Variants in ZSCAN10 observed in about 807,000 individuals in gnomAD.
ZSCAN10 encodes the protein zinc finger and SCAN domain containing 10, also known as zinc finger and SCAN domain-containing protein 10.
In ZSCAN10, 52 loss-of-function variants were observed where a neutral mutation model predicts 63.7. The observed-to-expected ratio is 0.82, with a 90% confidence interval of 0.65 to 1.03. The LOEUF is 1.03. Ranked by LOEUF, ZSCAN10 falls within the 50% of genes least tolerant of loss-of-function variation. The probability of loss-of-function intolerance (pLI) is 0.00; values close to 1 mark genes in which losing one functional copy is unlikely to be tolerated. For missense variants in ZSCAN10, 1,223 were observed against 1,103.8 expected, an observed-to-expected ratio of 1.11 and a Z score of -1.53; for synonymous variants, 544 against 479.6, an observed-to-expected ratio of 1.13 and a Z score of -1.76.
chr16:3,095,738 G>A (rs1177928961), intron 1 of ZSCAN10, among the ~76,000 whole-genome samples: 1 of 149,960 alleles, frequency 6.7e-6, no homozygotes, highest in Admixed American at 6.7e-5. Context: ...TGAGGCAGGA[G>A]AATGGCGTGA....
At chr16:3,093,056 A>T in intron 1 of ZSCAN10, 52 bp from the exon 2 acceptor site, 1 of 1,281,492 alleles carries the variant, frequency 7.8e-7, no homozygotes, top group Middle Eastern at 2.9e-4. Flanking sequence ...AGCTGGCCCC[A>T]TACCTGGGTC....
chr16:3,091,118 GA>G (rs1475779362), intron 5 of ZSCAN10, among the ~76,000 whole-genome samples: 1 of 151,870 alleles, frequency 6.6e-6, no homozygotes, highest in Non-Finnish European at 1.5e-5. Context: ...AGAGAGGGTG[GA>G]GGTCAAACAA....
In ZSCAN10 at chr16:3,089,065, G is replaced by A. The variant is rs376167359; in HGVS notation, c.*26C>T. ...GAGGACCCCGGGTAGGTGGCGCAGG[G>A]CGCGGCTGGCGGAAGGCGGGCCAAG... On this transcript the variant is annotated 3_prime_UTR_variant, in exon 6 of 6. Coordinates refer to ENST00000576985, the MANE Select transcript of ZSCAN10 (RefSeq NM_032805.3). 3.7e-5 allele frequency: 55 copies of A among 1,467,740 alleles called. No individual in the cohort carries two copies. The highest frequency in any genetic ancestry group is 4.5e-6 in the Non-Finnish European group (5 of 1,121,096). The allele number at this position is 1,467,740 out of a possible 1,614,324, so 90.9% of individuals were successfully genotyped here. A position where few individuals can be genotyped will look rare whatever the true frequency, so the allele number is the denominator to read the frequency against.
Position 3,090,564 on chromosome 16 carries a change from T to G in ZSCAN10, c.870A>C (p.Ala290=), listed in dbSNP as rs375510806. The stretch of plus-strand genomic sequence containing the variant: ...CCCCAGGACTATCTGCCTGGGACTC[T>G]GCTAAGATGGGAGTGGGCCAGGCAG... ...KGAAWPTPIL[A]ESQADSPGVP... Residue 290 remains alanine (A), a synonymous_variant, in exon 6 of 6, where the codon GCA becomes GCC. Coordinates refer to ENST00000576985, the MANE Select transcript of ZSCAN10 (RefSeq NM_032805.3). The G allele has an allele frequency of 6.3e-7, 1 of 1,597,286 alleles. No individual in the cohort carries two copies. Among genetic ancestry groups the G allele is most frequent in the Non-Finnish European group, 8.6e-7 (1 of 1,167,874 alleles).
rs1218760627 is a variant in ZSCAN10, at chr16:3,089,275, G to A, written c.2159C>T (p.Ala720Val). ...CTCCACGCACTCCTGCGGGGGCTCG[G>A]CCTGCTCCTGCCCGGGCTCCGCATG... ...ATHAEPGQEQ[A>V]EPPQECVECG... is the part of the protein sequence containing the mutation. The change falls in exon 6 of 6, where the codon GCC becomes GTC. Residue 720 changes from alanine (A) to valine (V), a missense_variant. By Grantham distance (64) the Ala-to-Val change is moderately conservative. Transcript: ENST00000576985. 2 of 1,563,762 alleles carry A rather than the reference G, an allele frequency of 1.3e-6. No individual in the cohort carries two copies.
In ZSCAN10 at chr16:3,091,593, C is replaced by T. The variant is rs368316207; in HGVS notation, c.734G>A (p.Cys245Tyr). The T allele has an allele frequency of 1.3e-5, 21 of 1,614,114 alleles. No individual in the cohort carries two copies. Among genetic ancestry groups the T allele is most frequent in the Admixed American group, 3.3e-5 (2 of 60,006 alleles). ...CTCTGGCACATCCTCAAAGGTCAGG[C>T]ACTCCTGTATCAAGAGCAGAAACCC... ...RDQELAAVLE[C>Y]LTFEDVPENK... The change falls in exon 5 of 6, where the codon TGC (cysteine) becomes TAC (tyrosine). Residue 245 changes from cysteine to tyrosine, a missense_variant. Transcript: ENST00000576985.
chr16:3,095,909 T>C (rs1052613923), intron 1 of ZSCAN10, among the ~76,000 whole-genome samples: 11 of 151,690 alleles, frequency 7.3e-5, no homozygotes, highest in East Asian at 1.9e-4. Flanking sequence ...GGTGGGAAGA[T>C]TGCTTGATCC....
At chr16:3,091,689 G>T (rs75016283) in intron 4 of ZSCAN10, 75 bp downstream of exon 4, 23,133 of 1,607,112 alleles carry the variant, frequency 0.014, 669 homozygotes, top group East Asian at 0.14. Context: ...ATCAGGGAAG[G>T]TATGGATTTG....
intron 1 of ZSCAN10, among the ~76,000 whole-genome samples, chr16:3,093,841 C>T (rs1240996409): frequency 6.6e-6 from 1 of 151,728 alleles, no homozygotes; most frequent in Non-Finnish European, 1.5e-5. Context: ...TGTGGCAGCA[C>T]GCCCAGCTAA....
chr16:3,089,312 G>A lies in ZSCAN10; in HGVS notation c.2122C>T (p.His708Tyr). ...CCGGGCTCCGCATGGGTAGCCAGGT[G>A]CCGCCGCAGATGCGCGTTGCGCCGG... Reference protein sequence around the residue: ...SFRRNAHLRRHLATHAEPGQE... With the variant: ...SFRRNAHLRRYLATHAEPGQE... Residue 708 changes from histidine (H) to tyrosine (Y), a missense_variant, in exon 6 of 6, where the codon CAC (histidine) becomes TAC (tyrosine). Coordinates refer to ENST00000576985, the MANE Select transcript of ZSCAN10 (RefSeq NM_032805.3). The A allele has an allele frequency of 6.4e-7, 1 of 1,572,842 alleles. No homozygotes were observed. Among genetic ancestry groups the A allele is most frequent in the Non-Finnish European group, 8.6e-7 (1 of 1,166,002 alleles).
chr16:3,097,732 T>C (rs1247640674), intron 1 of ZSCAN10, among the ~76,000 whole-genome samples: 2 of 152,164 alleles, frequency 1.3e-5, no homozygotes, highest in East Asian at 1.9e-4. Flanking sequence ...GAGTAGGAGC[T>C]GTGTCTAGTT....
At chr16:3,092,492 C>T (rs1193421843) in intron 2 of ZSCAN10, 50 bp downstream of exon 2, 1 of 1,453,946 alleles carries the variant, frequency 6.9e-7, no homozygotes, top group African/African-American at 1.4e-5. Context: ...CTGGGGGGAT[C>T]AAGTCCCCAT....
At position 3,092,616 on chromosome 16, in the gene ZSCAN10, G is replaced by T. The variant is rs752377209; in HGVS notation, c.322C>A (p.Pro108Thr). The T allele has an allele frequency of 6.9e-6, 11 of 1,604,106 alleles. No homozygotes were observed. The highest frequency in any genetic ancestry group is 9.4e-6 in the Non-Finnish European group (11 of 1,176,180). The change falls in exon 2 of 6, where the codon CCG (proline) becomes ACG (threonine). Residue 108 changes from proline to threonine, a missense_variant. By Grantham distance (38) the Pro-to-Thr change is conservative. Transcript: ENST00000576985. ...PHLLGRLQGQ[P>T]LRDGEEVVLL... ...ACCACCTCCTCCCCATCCCTGAGCG[G>T]CTGCCCCTGCAGGCGGCCCAGGAGG...
At position 3,089,600 on chromosome 16, in the gene ZSCAN10, C is replaced by CGCCAGACT; in HGVS notation, c.1833_1834insAGTCTGGC (p.Gly612SerfsTer228). On this transcript the variant is annotated frameshift_variant, in exon 6 of 6. Transcript: ENST00000576985. LOFTEE classifies it high-confidence loss of function. Reference sequence around the variant, plus strand: ...TCCTGGGTCTGGCCGAAACTCTTCCCGCACTGGGTGCAGTGGTGGGGCCGA... The same window carrying CGCCAGACT: ...TCCTGGGTCTGGCCGAAACTCTTCCCGCCAGACTGCACTGGGTGCAGTGGTGGGGCCGA... The CGCCAGACT allele has an allele frequency of 6.3e-7, 1 of 1,585,844 alleles. No individual in the cohort carries two copies. The highest frequency in any genetic ancestry group is 8.6e-7 in the Non-Finnish European group (1 of 1,166,624).
At chr16:3,093,519 A>AC (rs1957114884) in intron 1 of ZSCAN10, among the ~76,000 whole-genome samples, 1 of 151,458 alleles carries the variant, frequency 6.6e-6, no homozygotes, top group South Asian at 2.1e-4. Flanking sequence ...CAGATCAAAA[A>AC]AAAAAAAAAA....
Position 3,089,448 on chromosome 16 carries a change from G to C in ZSCAN10, c.1986C>G (p.His662Gln). The C allele has an allele frequency of 6.2e-7, 1 of 1,606,732 alleles. No individual in the cohort carries two copies. The highest frequency in any genetic ancestry group is 8.5e-7 in the Non-Finnish European group (1 of 1,178,816). ...HQRIHTGEKP[H>Q]ACDTCGHRFR... ...AACGGTGGCCGCAGGTGTCGCAGGCGTGGGGCTTCTCCCCTGTGTGGATGC... is the reference window on the plus strand; with the variant it reads ...AACGGTGGCCGCAGGTGTCGCAGGCCTGGGGCTTCTCCCCTGTGTGGATGC... The change falls in exon 6 of 6, where the codon CAC becomes CAG. Residue 662 changes from histidine to glutamine, a missense_variant. By Grantham distance (24) the His-to-Gln change is conservative (BLOSUM62 0). Coordinates refer to ENST00000576985, the MANE Select transcript of ZSCAN10 (RefSeq NM_032805.3).
At chr16:3,096,153 C>A (rs187967930) in intron 1 of ZSCAN10, among the ~76,000 whole-genome samples, 6 of 152,308 alleles carry the variant, frequency 3.9e-5, no homozygotes, top group Admixed American at 3.3e-4. Context: ...TCGGCCCCAC[C>A]CACAGGGGAC....
Position 3,090,363 on chromosome 16 carries a change from C to T in ZSCAN10, c.1071G>A (p.Pro357=), listed in dbSNP as rs1229884713. The T allele has an allele frequency of 1.2e-6, 2 of 1,612,398 alleles. No homozygotes were observed. The highest frequency in any genetic ancestry group is 2.2e-5 in the East Asian group (1 of 44,842). Residue 357 remains proline (P), a synonymous_variant, in exon 6 of 6, where the codon CCG becomes CCA. Transcript: ENST00000576985. The part of the protein sequence containing the change: ...FICADCGVSF[P]QLSRLKAHQL... ...GGTGCGCCTTCAGGCGAGACAGCTG[C>T]GGGAAGCTCACCCCGCAGTCCGCGC... is the stretch of plus-strand genomic sequence containing the variant.
At chr16:3,097,398 A>G (rs1309590445) in intron 1 of ZSCAN10, among the ~76,000 whole-genome samples, 1 of 152,162 alleles carries the variant, frequency 6.6e-6, no homozygotes, top group Non-Finnish European at 1.5e-5. Context: ...CACCTGGGGA[A>G]GGACTCTGAC....
Sources: allele counts gnomAD v4.1 joint callset (sites outside exome capture counted in the v4.1 genomes callset), GRCh38; gene constraint gnomAD v4.1.1; transcripts MANE v1.5; gene names NCBI Gene and HGNC (gene_info 2026-07-23, HGNC 2026-07-21).